Variants in PLD1 observed in about 807,000 individuals in gnomAD.
PLD1 encodes the protein choline phosphatase 1.
A neutral mutation model predicts 137.1 loss-of-function variants in PLD1; 112 were observed. That is an observed-to-expected ratio of 0.82 (90% CI 0.70 to 0.96). PLD1 has a LOEUF of 0.96. Among genes scored for constraint, PLD1 ranks in the 40% least tolerant of loss-of-function variants. PLD1 has a pLI of 0.00. For missense variants in PLD1, 1,321 were observed against 1,342.0 expected, an observed-to-expected ratio of 0.98 and a Z score of 0.24; for synonymous variants, 431 against 454.7, an observed-to-expected ratio of 0.95 and a Z score of 0.66.
At chr3:171,627,728 A>G (rs1734252806) in intron 23 of PLD1, among the ~76,000 whole-genome samples, 1 of 152,248 alleles carries the variant, frequency 6.6e-6, no homozygotes, top group African/African-American at 2.4e-5. Flanking sequence ...GCTCAACTAC[A>G]TGGAAACTGA....
chr3:171,803,068 T>A (rs1183736531), intron 1 of PLD1, among the ~76,000 whole-genome samples: 1 of 152,188 alleles, frequency 6.6e-6, no homozygotes, highest in East Asian at 1.9e-4. Flanking sequence ...TTTAAGAAGT[T>A]CCCAGGTGAT....
At chr3:171,636,226 T>G (rs554605485) in intron 23 of PLD1, among the ~76,000 whole-genome samples, 1 of 152,124 alleles carries the variant, frequency 6.6e-6, no homozygotes, top group South Asian at 2.1e-4. Flanking sequence ...CACCTCCAAT[T>G]TGTTCTTATT....
chr3:171,729,294 T>G (rs543627718), intron 6 of PLD1, among the ~76,000 whole-genome samples: 31 of 152,330 alleles, frequency 2.0e-4, no homozygotes, highest in African/African-American at 6.5e-4. Context: ...TTCTTGGCAC[T>G]AGGTGGAAAG....
intron 1 of PLD1, among the ~76,000 whole-genome samples, chr3:171,783,528 A>G (rs1278550727): frequency 6.6e-6 from 1 of 152,138 alleles, no homozygotes; most frequent in Non-Finnish European, 1.5e-5. Context: ...ATATTACAAG[A>G]CAGAGCATAA....
At chr3:171,604,789 G>A (rs1732078905) in intron 26 of PLD1, among the ~76,000 whole-genome samples, 1 of 152,186 alleles carries the variant, frequency 6.6e-6, no homozygotes, top group Non-Finnish European at 1.5e-5. Context: ...GATGAATACT[G>A]TTTACTATAC....
At chr3:171,786,011 C>T (rs1279357213) in intron 1 of PLD1, among the ~76,000 whole-genome samples, 1 of 152,192 alleles carries the variant, frequency 6.6e-6, no homozygotes, top group East Asian at 1.9e-4. Context: ...GCTTCCTTTC[C>T]TTCACATGCA....
In PLD1 at chr3:171,602,511, T is replaced by C. The variant is rs534506998; in HGVS notation, c.*567A>G. 3.2e-5 allele frequency: 5 copies of C among 158,268 alleles called. No individual in the cohort carries two copies. Among genetic ancestry groups the C allele is most frequent in the Non-Finnish European group, 7.0e-5 (5 of 71,554 alleles). 9.8% of individuals were successfully genotyped at this position (158,268 alleles called of 1,614,324 possible). Reference sequence around the variant, plus strand: ...AAGTCTGCCGTGTTCGTACAGTGACTGAAAAGGAATAATGACTATATCCTC... The same window carrying C: ...AAGTCTGCCGTGTTCGTACAGTGACCGAAAAGGAATAATGACTATATCCTC... On this transcript the variant is annotated 3_prime_UTR_variant, in exon 27 of 27. Transcript: ENST00000351298.
intron 4 of PLD1, 148 bp from the exon 5 acceptor site, chr3:171,735,118 A>G: frequency 1.7e-6 from 1 of 596,684 alleles, no homozygotes; most frequent in South Asian, 2.1e-5. Flanking sequence ...GATATTGTGA[A>G]TTAAATACAC....
At chr3:171,642,072 T>C (rs1389052097) in intron 23 of PLD1, among the ~76,000 whole-genome samples, 2 of 152,146 alleles carry the variant, frequency 1.3e-5, no homozygotes, top group East Asian at 1.9e-4. Flanking sequence ...GCCCACTATA[T>C]GCTGAACCCA....
chr3:171,633,816 C>G (rs1734884325), intron 23 of PLD1, among the ~76,000 whole-genome samples: 1 of 151,816 alleles, frequency 6.6e-6, no homozygotes, highest in South Asian at 2.1e-4. Flanking sequence ...TGCTAAAATA[C>G]CAAAATTAAC....
chr3:171,627,134 C>T (rs974180818), intron 23 of PLD1, among the ~76,000 whole-genome samples: 1 of 152,072 alleles, frequency 6.6e-6, no homozygotes, highest in African/African-American at 2.4e-5. Flanking sequence ...CAGAGACACA[C>T]ATAGGCTCAA....
intron 22 of PLD1, among the ~76,000 whole-genome samples, chr3:171,643,512 C>CTGA (rs34772058): frequency 0.079 from 11,984 of 151,786 alleles, 1,329 homozygotes; most frequent in African/African-American, 0.25. Context: ...CTGAGAAATG[C>CTGA]TATTATTAAA....
At chr3:171,771,741 G>A (rs553108112) in intron 1 of PLD1, among the ~76,000 whole-genome samples, 5 of 152,284 alleles carry the variant, frequency 3.3e-5, no homozygotes, top group African/African-American at 1.2e-4. Context: ...GCATAAGAGG[G>A]ACATATGAAG....
chr3:171,744,843 C>T (rs1283362000), intron 1 of PLD1, among the ~76,000 whole-genome samples: 4 of 152,154 alleles, frequency 2.6e-5, no homozygotes, highest in Non-Finnish European at 5.9e-5. Context: ...CCCAAGAAAA[C>T]CAAGGCAGCT....
chr3:171,745,496 T>C (rs1720079913), intron 1 of PLD1, among the ~76,000 whole-genome samples: 1 of 152,196 alleles, frequency 6.6e-6, no homozygotes, highest in Non-Finnish European at 1.5e-5. Context: ...TCAGCCTCCT[T>C]CTGGGCAAGA....
At chr3:171,739,127 T>G (rs1206366659) in intron 1 of PLD1, among the ~76,000 whole-genome samples, 1 of 152,176 alleles carries the variant, frequency 6.6e-6, no homozygotes, top group Non-Finnish European at 1.5e-5. Context: ...ATGAGGCATC[T>G]AACCCAAAGT....
chr3:171,737,068 A>G (rs370447217), intron 3 of PLD1, among the ~76,000 whole-genome samples: 3 of 152,378 alleles, frequency 2.0e-5, no homozygotes, highest in South Asian at 4.1e-4. Context: ...AGGTAATGGC[A>G]CTGGCCGATC....
At chr3:171,736,511 T>C (rs1719371050) in intron 3 of PLD1, among the ~76,000 whole-genome samples, 1 of 152,074 alleles carries the variant, frequency 6.6e-6, no homozygotes, top group African/African-American at 2.4e-5. Flanking sequence ...TGCTCAGTGG[T>C]GTATCAGGGA....
chr3:171,772,629 A>C (rs1722418957), intron 1 of PLD1, among the ~76,000 whole-genome samples: 1 of 152,194 alleles, frequency 6.6e-6, no homozygotes. Flanking sequence ...TGACTTTAAA[A>C]GGAGCTAGTA....
Sources: allele counts gnomAD v4.1 joint callset (sites outside exome capture counted in the v4.1 genomes callset), GRCh38; gene constraint gnomAD v4.1.1; transcripts MANE v1.5; gene names NCBI Gene and HGNC (gene_info 2026-07-23, HGNC 2026-07-21).